CHRM5: variants seen among roughly 807,000 people sequenced by gnomAD.
The protein encoded by CHRM5 is cholinergic receptor muscarinic 5.
In CHRM5, 18 loss-of-function variants were observed where a neutral mutation model predicts 39.0. The observed-to-expected ratio is 0.46, with a 90% CI of 0.32 to 0.68. The LOEUF (loss-of-function observed/expected upper bound fraction) is 0.68, where lower values mean the gene tolerates loss of function less well. CHRM5 is among the 30% of genes least tolerant of loss of function. The pLI, the probability that CHRM5 is intolerant of heterozygous loss-of-function variation, is 0.04. For synonymous variants in CHRM5, 241 were observed against 246.3 expected (o/e 0.98, Z 0.20); for missense variants, 515 against 651.1 (o/e 0.79, Z 2.28).
At chr15:34,006,099 G>A (rs963626276) in intron 1 of CHRM5, among the ~76,000 whole-genome samples, 1 of 151,866 alleles carries the variant, frequency 6.6e-6, no homozygotes, top group Admixed American at 6.6e-5. Context: ...ATCACAAGGT[G>A]AGGAGATCGA....
Position 34,062,751 on chromosome 15 carries a change from G to A in CHRM5, c.34G>A (p.Val12Ile), listed in dbSNP as rs759462080. Reference protein sequence around the residue: ...EGDSYHNATTVNGTPVNHQPL... With the variant: ...EGDSYHNATTINGTPVNHQPL... The stretch of plus-strand genomic sequence containing the variant: ...GGATTCTTACCACAATGCAACCACC[G>A]TCAATGGCACCCCAGTAAATCACCA... Residue 12 changes from valine to isoleucine, a missense_variant, in exon 3 of 3, where the codon GTC becomes ATC. Transcript: ENST00000383263. 29 of 1,613,394 alleles carry A rather than the reference G, an allele frequency of 1.8e-5. No homozygotes were observed. Among genetic ancestry groups the A allele is most frequent in the Middle Eastern group, 1.7e-4 (1 of 6,058 alleles).
intron 1 of CHRM5, among the ~76,000 whole-genome samples, chr15:34,001,439 C>T (rs141505196): frequency 3.2e-4 from 48 of 152,244 alleles, no homozygotes; most frequent in African/African-American, 1.1e-3. Flanking sequence ...AAGTTAATTT[C>T]ATTGTATTAC....
intron 2 of CHRM5, among the ~76,000 whole-genome samples, 178 bp downstream of exon 2, chr15:34,047,049 T>C (rs1466874902): frequency 2.0e-5 from 3 of 149,838 alleles, no homozygotes; most frequent in African/African-American, 7.3e-5. Flanking sequence ...CTAGCAGGGC[T>C]TTTTTGTTTT....
intron 1 of CHRM5, among the ~76,000 whole-genome samples, chr15:33,971,378 C>G (rs1164710000): frequency 6.6e-6 from 1 of 151,916 alleles, no homozygotes; most frequent in Non-Finnish European, 1.5e-5. Flanking sequence ...GCTGCCATAT[C>G]CTTATAATAA....
At chr15:34,046,895 G>GGGGAAACC (rs1899709176) in intron 2 of CHRM5, 24 bp downstream of exon 2, 1 of 152,282 alleles carries the variant, frequency 6.6e-6, no homozygotes, top group South Asian at 2.1e-4. Context: ...CGACCCCACC[G>GGGGAAACC]GGGAAACCAC....
At chr15:34,021,684 G>A (rs538217705) in intron 1 of CHRM5, among the ~76,000 whole-genome samples, 14 of 151,974 alleles carry the variant, frequency 9.2e-5, no homozygotes, top group Admixed American at 3.9e-4. Context: ...GTGAAACCCC[G>A]TCTCTACTAA....
intron 1 of CHRM5, among the ~76,000 whole-genome samples, chr15:33,981,332 C>T (rs1261822403): frequency 3.3e-5 from 5 of 152,104 alleles, no homozygotes; most frequent in Non-Finnish European, 5.9e-5. Context: ...AGCACTCCTG[C>T]GTACTAATAT....
At chr15:33,995,354 A>G (rs2140588613) in intron 1 of CHRM5, among the ~76,000 whole-genome samples, 1 of 152,366 alleles carries the variant, frequency 6.6e-6, no homozygotes, top group South Asian at 2.1e-4. Flanking sequence ...AACTTTACAT[A>G]GCACTTACAT....
chr15:34,024,472 CAAAAAAAAAA>C (rs10531898), intron 1 of CHRM5, among the ~76,000 whole-genome samples: 14 of 101,938 alleles, frequency 1.4e-4, no homozygotes, highest in African/African-American at 5.6e-4. Flanking sequence ...GACCCTGTCT[CAAAAAAAAAA>C]AAAAAAAAAA....
chr15:33,980,113 GTATGACTC>G (rs1567445437), intron 1 of CHRM5, among the ~76,000 whole-genome samples: 1 of 152,146 alleles, frequency 6.6e-6, no homozygotes, highest in East Asian at 1.9e-4. Flanking sequence ...TAGTAAACTA[GTATGACTC>G]AGAGCAACTA....
chr15:33,981,268 T>C (rs1896131565), intron 1 of CHRM5, among the ~76,000 whole-genome samples: 1 of 152,230 alleles, frequency 6.6e-6, no homozygotes, highest in African/African-American at 2.4e-5. Flanking sequence ...TTATAACACA[T>C]AATTATCTTT....
chr15:33,984,736 A>G (rs933677251), intron 1 of CHRM5, among the ~76,000 whole-genome samples: 2 of 152,114 alleles, frequency 1.3e-5, no homozygotes, highest in African/African-American at 2.4e-5. Context: ...GTTGCTTTTC[A>G]TTGAAGAACA....
intron 1 of CHRM5, among the ~76,000 whole-genome samples, chr15:33,973,661 G>C (rs1280662536): frequency 5.3e-5 from 8 of 152,126 alleles, no homozygotes; most frequent in African/African-American, 1.9e-4. Context: ...AGGCAACACA[G>C]CAAGACTCCA....
intron 2 of CHRM5, among the ~76,000 whole-genome samples, chr15:34,049,114 A>C (rs928219616): frequency 5.3e-5 from 8 of 152,258 alleles, no homozygotes; most frequent in African/African-American, 1.9e-4. Context: ...CAACACAAAA[A>C]TGCTGAAAAC....
chr15:34,009,066 C>T (rs1175742850), intron 1 of CHRM5, among the ~76,000 whole-genome samples: 3 of 151,954 alleles, frequency 2.0e-5, no homozygotes, highest in African/African-American at 7.3e-5. Flanking sequence ...AACTTCTCAT[C>T]AGAATCAACG....
intron 1 of CHRM5, among the ~76,000 whole-genome samples, chr15:33,983,142 G>GTGTGTGTGTA (rs1896230653): frequency 2.6e-5 from 3 of 115,658 alleles, no homozygotes; most frequent in African/African-American, 1.4e-4. Context: ...GTGTGTGTGT[G>GTGTGTGTGTA]TGTGTGTGTG....
chr15:34,005,716 T>A (rs976550686), intron 1 of CHRM5, among the ~76,000 whole-genome samples: 1 of 152,188 alleles, frequency 6.6e-6, no homozygotes, highest in Non-Finnish European at 1.5e-5. Context: ...AAATTTCTAG[T>A]TCCCCAACCA....
At chr15:33,985,285 G>A (rs1896374152) in intron 1 of CHRM5, among the ~76,000 whole-genome samples, 2 of 134,858 alleles carry the variant, frequency 1.5e-5, no homozygotes, top group South Asian at 4.7e-4. Context: ...ATTTTTGTTG[G>A]TTCCTCATTG....
intron 1 of CHRM5, among the ~76,000 whole-genome samples, chr15:33,984,020 A>C (rs1243455338): frequency 6.6e-6 from 1 of 152,156 alleles, no homozygotes; most frequent in Non-Finnish European, 1.5e-5. Context: ...AAAGACTGAG[A>C]AACTGTCACA....
Sources: gnomAD v4.1 joint callset for allele counts (sites outside exome capture counted in the v4.1 genomes callset) on GRCh38, gnomAD v4.1.1 for gene constraint, MANE v1.5 for transcripts, NCBI Gene and HGNC (gene_info 2026-07-23, HGNC 2026-07-21) for gene names.